Variants in ZNF804A observed in about 807,000 individuals in gnomAD.
ZNF804A encodes the protein zinc finger protein 804A.
A neutral mutation model predicts 16.5 loss-of-function variants in ZNF804A; 2 were observed. That is an observed-to-expected ratio of 0.12 (90% CI 0.05 to 0.38). ZNF804A has a LOEUF of 0.38. ZNF804A is among the 10% of genes least tolerant of loss of function. The probability of loss-of-function intolerance (pLI) is 0.99; values close to 1 mark genes in which losing one functional copy is unlikely to be tolerated. For synonymous variants in ZNF804A, 534 were observed against 489.6 expected, an observed-to-expected ratio of 1.09 and a Z score of -1.20; for missense variants, 1,473 against 1,390.7, an observed-to-expected ratio of 1.06 and a Z score of -0.94.
At chr2:184,772,934 TATATATACATATAC>T (rs1375575945) in intron 1 of ZNF804A, among the ~76,000 whole-genome samples, 8 of 148,170 alleles carry the variant, frequency 5.4e-5, no homozygotes, top group African/African-American at 2.0e-4. Flanking sequence ...CCCACACACA[TATATATACATATAC>T]ATATATACAT....
chr2:184,806,523 G>A (rs920261842), intron 1 of ZNF804A, among the ~76,000 whole-genome samples: 6 of 151,714 alleles, frequency 4.0e-5, no homozygotes, highest in African/African-American at 1.5e-4. Flanking sequence ...GGAATGATGA[G>A]CAAGAAATAT....
At chr2:184,647,365 T>C (rs1269058053) in intron 1 of ZNF804A, among the ~76,000 whole-genome samples, 5 of 152,148 alleles carry the variant, frequency 3.3e-5, no homozygotes, top group Non-Finnish European at 5.9e-5. Context: ...CAACAAAGGA[T>C]CACATTAGAT....
chr2:184,843,085 T>C (rs1425827120), intron 1 of ZNF804A, among the ~76,000 whole-genome samples: 1 of 152,092 alleles, frequency 6.6e-6, no homozygotes, highest in African/African-American at 2.4e-5. Context: ...GCAATTATCA[T>C]GTCCATGTAT....
At chr2:184,839,022 G>A (rs956569804) in intron 1 of ZNF804A, among the ~76,000 whole-genome samples, 3 of 151,990 alleles carry the variant, frequency 2.0e-5, no homozygotes, top group African/African-American at 7.2e-5. Context: ...CCAGAGAATT[G>A]AACATTGAAA....
At chr2:184,652,217 A>T (rs767088375) in intron 1 of ZNF804A, among the ~76,000 whole-genome samples, 5 of 152,168 alleles carry the variant, frequency 3.3e-5, no homozygotes, top group Non-Finnish European at 5.9e-5. Context: ...GTTTTCACTT[A>T]TAAATTTGAG....
intron 2 of ZNF804A, among the ~76,000 whole-genome samples, chr2:184,922,610 C>A (rs1482579821): frequency 6.6e-6 from 1 of 151,724 alleles, no homozygotes; most frequent in Non-Finnish European, 1.5e-5. Context: ...TTGATGTGGC[C>A]CTATTTGTCC....
rs544604114 is a variant in ZNF804A, at chr2:184,939,199, G to A, written c.*173G>A. 7.8e-5 allele frequency: 54 copies of A among 690,190 alleles called. No individual in the cohort carries two copies. The South Asian group carries it at 1.1e-3, about 14-fold the overall frequency. The allele number at this position is 690,190 out of a possible 1,614,324, so 42.8% of individuals were successfully genotyped here. ...TGCAATGATGCAAATAAATCCCTAAGTTTCTGATATATAATATTATTAAAG... is the reference window on the plus strand; with the variant it reads ...TGCAATGATGCAAATAAATCCCTAAATTTCTGATATATAATATTATTAAAG... On this transcript the variant is annotated 3_prime_UTR_variant, in exon 4 of 4. Transcript: ENST00000302277.
intron 2 of ZNF804A, among the ~76,000 whole-genome samples, chr2:184,869,015 ACT>A (rs1014421001): frequency 3.7e-4 from 56 of 151,670 alleles, no homozygotes; most frequent in African/African-American, 1.3e-3. Context: ...AAAGTTTGAA[ACT>A]CTTCGTGCGC....
intron 2 of ZNF804A, among the ~76,000 whole-genome samples, chr2:184,892,349 A>G (rs1046881407): frequency 2.0e-5 from 3 of 152,118 alleles, no homozygotes; most frequent in Non-Finnish European, 4.4e-5. Context: ...TTAGAGAAAA[A>G]CAAGGGTAAT....
At chr2:184,751,962 T>TA (rs1305168252) in intron 1 of ZNF804A, among the ~76,000 whole-genome samples, 1 of 151,672 alleles carries the variant, frequency 6.6e-6, no homozygotes, top group Non-Finnish European at 1.5e-5. Flanking sequence ...ATAGCTTTTT[T>TA]AAAAAAATCA....
chr2:184,621,720 T>C (rs1691424944), intron 1 of ZNF804A, among the ~76,000 whole-genome samples: 1 of 151,798 alleles, frequency 6.6e-6, no homozygotes. Context: ...CAAGTAGAAA[T>C]ATTTTTAAAA....
intron 1 of ZNF804A, among the ~76,000 whole-genome samples, chr2:184,689,575 G>T (rs1692696367): frequency 6.6e-6 from 1 of 151,928 alleles, no homozygotes; most frequent in African/African-American, 2.4e-5. Context: ...TTTTAGGTCT[G>T]GTCATAAAAT....
intron 1 of ZNF804A, among the ~76,000 whole-genome samples, chr2:184,632,257 G>T (rs2105687339): frequency 1.3e-5 from 2 of 151,970 alleles, no homozygotes; most frequent in Admixed American, 1.3e-4. Context: ...ATCCATCAAG[G>T]TATAAATATT....
At chr2:184,703,679 G>C (rs1257046690) in intron 1 of ZNF804A, among the ~76,000 whole-genome samples, 1 of 68,998 alleles carries the variant, frequency 1.4e-5, no homozygotes, top group Admixed American at 3.1e-4. Flanking sequence ...GACAGAGCAA[G>C]ACTCCGGTTC....
At chr2:184,864,774 T>C (rs956545335) in intron 1 of ZNF804A, among the ~76,000 whole-genome samples, 9 of 152,050 alleles carry the variant, frequency 5.9e-5, no homozygotes, top group Non-Finnish European at 4.4e-5. Context: ...TTAAGGAGGA[T>C]AAGTGCCATT....
intron 2 of ZNF804A, among the ~76,000 whole-genome samples, chr2:184,891,286 T>C (rs959218073): frequency 1.3e-5 from 2 of 152,194 alleles, no homozygotes; most frequent in Non-Finnish European, 2.9e-5. Flanking sequence ...GCTGCCTGGA[T>C]CGTTCTTTGT....
At position 184,598,938 on chromosome 2, in the gene ZNF804A, C is replaced by A. The variant is rs766648663; in HGVS notation, c.-22C>A. The A allele has an allele frequency of 1.9e-5, 29 of 1,493,924 alleles. No homozygotes were observed. Among genetic ancestry groups the A allele is most frequent in the Non-Finnish European group, 2.6e-5 (29 of 1,101,922 alleles). 92.5% of individuals were successfully genotyped at this position (1,493,924 alleles called of 1,614,324 possible). A position where few individuals can be genotyped will look rare whatever the true frequency, so the allele number is the denominator to read the frequency against. ...GGGTGCGTGGAAGCGGCGGCTGCGG[C>A]GGAGGAGGCGGCGGCTGCCCCATGG... is the stretch of plus-strand genomic sequence containing the variant. On this transcript the variant is annotated 5_prime_UTR_variant, in exon 1 of 4. Coordinates refer to ENST00000302277, the MANE Select transcript of ZNF804A (RefSeq NM_194250.2).
intron 2 of ZNF804A, among the ~76,000 whole-genome samples, chr2:184,880,330 C>CT (rs1684789438): frequency 6.6e-6 from 1 of 151,692 alleles, no homozygotes. Context: ...TGCAGCTTAG[C>CT]TTTTTTTATT....
intron 1 of ZNF804A, among the ~76,000 whole-genome samples, chr2:184,743,152 T>C (rs1306776516): frequency 6.6e-6 from 1 of 151,988 alleles, no homozygotes; most frequent in Non-Finnish European, 1.5e-5. Context: ...TCTGTCTCTT[T>C]CCCCTTTGGA....
Sources: allele counts gnomAD v4.1 joint callset (sites outside exome capture counted in the v4.1 genomes callset), GRCh38; gene constraint gnomAD v4.1.1; transcripts MANE v1.5; gene names NCBI Gene and HGNC (gene_info 2026-07-23, HGNC 2026-07-21).